Variants in TAOK1 observed in about 807,000 individuals in gnomAD.
TAOK1 encodes serine/threonine-protein kinase TAO1.
A neutral mutation model predicts 138.3 loss-of-function variants in TAOK1; 21 were observed. The observed-to-expected ratio is 0.15, with a 90% CI of 0.11 to 0.22. The LOEUF is 0.22. Among genes scored for constraint, TAOK1 ranks in the 10% least tolerant of loss-of-function variants. TAOK1 has a pLI of 1.00. For synonymous variants in TAOK1, 361 were observed against 398.4 expected (o/e 0.91, Z 1.12); for missense variants, 651 against 1,227.7 (o/e 0.53, Z 7.02).
At chr17:29,397,472 G>A (rs1052477101) in intron 1 of TAOK1, among the ~76,000 whole-genome samples, 4 of 150,896 alleles carry the variant, frequency 2.7e-5, no homozygotes, top group Non-Finnish European at 4.4e-5. Context: ...GCATGGTGGC[G>A]CGCACCTGTA....
intron 18 of TAOK1, among the ~76,000 whole-genome samples, chr17:29,531,718 G>A (rs1381203643): frequency 1.3e-5 from 2 of 151,142 alleles, no homozygotes; most frequent in Non-Finnish European, 2.9e-5. Context: ...AGCCGAGATT[G>A]CGCCATTGCA....
chr17:29,452,500 G>C (rs1489641900), intron 2 of TAOK1, among the ~76,000 whole-genome samples: 1 of 151,936 alleles, frequency 6.6e-6, no homozygotes, highest in Admixed American at 6.6e-5. Flanking sequence ...TTGTGTGTGC[G>C]TGTGAATTAA....
At chr17:29,503,426 C>T (rs2031570724) in intron 13 of TAOK1, among the ~76,000 whole-genome samples, 1 of 145,978 alleles carries the variant, frequency 6.9e-6, no homozygotes, top group South Asian at 2.2e-4. Flanking sequence ...AGAATGTGGA[C>T]AGTAAGGAAA....
chr17:29,451,610 A>C lies in TAOK1; in HGVS notation c.62A>C (p.Lys21Thr), dbSNP rs1231577969. 1.2e-6 allele frequency: 2 copies of C among 1,614,058 alleles called. No homozygotes were observed. The highest frequency in any genetic ancestry group is 2.2e-5 in the East Asian group (1 of 44,878). Residue 21 changes from lysine to threonine, a missense_variant, in exon 2 of 20, where the codon AAA becomes ACA. By Grantham distance (78) the Lys-to-Thr change is moderately conservative. This residue lies in a region of TAOK1 where 116 missense variants were observed against 213.9 expected (regional missense o/e 0.54). Coordinates refer to ENST00000261716, the MANE Select transcript of TAOK1 (RefSeq NM_020791.4). ...CCTGAAATTGCAGAGCTCTTCTTCA[A>C]AGAAGATCCAGAGAAGCTCTTCACA... ...KDPEIAELFF[K>T]EDPEKLFTDL... is the part of the protein sequence containing the mutation.
At chr17:29,492,981 T>C (rs1384303584) in intron 10 of TAOK1, among the ~76,000 whole-genome samples, 1 of 147,912 alleles carries the variant, frequency 6.8e-6, no homozygotes, top group Non-Finnish European at 1.5e-5. Context: ...TCTTTACTAA[T>C]AATACAAAAA....
chr17:29,399,418 C>T (rs1199846383), intron 1 of TAOK1, among the ~76,000 whole-genome samples: 2 of 152,062 alleles, frequency 1.3e-5, no homozygotes, highest in Non-Finnish European at 2.9e-5. Flanking sequence ...CCTGTTCATG[C>T]CATTCTCCTG....
At chr17:29,530,647 A>T (rs201070435) in intron 18 of TAOK1, 28 bp downstream of exon 18, 2 of 1,575,638 alleles carry the variant, frequency 1.3e-6, no homozygotes, top group Admixed American at 1.7e-5. Context: ...GGGGCAAAAC[A>T]AATTTAGTGC....
chr17:29,404,353 G>A (rs62066571), intron 1 of TAOK1, among the ~76,000 whole-genome samples: 113 of 152,110 alleles, frequency 7.4e-4, no homozygotes, highest in Middle Eastern at 6.8e-3. Context: ...TAGTAGAGAC[G>A]GCTTCACCGT....
At chr17:29,498,290 A>G (rs201093065) in intron 11 of TAOK1, 28 bp from the exon 12 acceptor site, 1 of 1,611,046 alleles carries the variant, frequency 6.2e-7, no homozygotes, top group African/African-American at 1.3e-5. Flanking sequence ...TTAATATTTG[A>G]ACTGAACTGA....
intron 19 of TAOK1, among the ~76,000 whole-genome samples, chr17:29,541,469 A>T (rs2032315519): frequency 6.6e-6 from 1 of 152,088 alleles, no homozygotes; most frequent in Admixed American, 6.6e-5. Flanking sequence ...AACAGAATTC[A>T]TAATAATTTT....
chr17:29,401,098 G>A (rs1240211982), intron 1 of TAOK1, among the ~76,000 whole-genome samples: 2 of 151,678 alleles, frequency 1.3e-5, no homozygotes, highest in Non-Finnish European at 2.9e-5. Context: ...ATTTTTTTGT[G>A]CAGACAGGGT....
rs530206116 is a variant in TAOK1, at chr17:29,428,419, A to G, written c.-94-23036A>G. Among the ~76,000 whole-genome samples the G allele has an allele frequency of 8.2e-4, 125 of 152,186 alleles. 1 individual carries two copies. The highest frequency in any genetic ancestry group is 1.6e-3 in the Non-Finnish European group (111 of 68,036). On this transcript the variant is annotated intron_variant, in intron 1 of 19. Coordinates refer to ENST00000261716, the MANE Select transcript of TAOK1 (RefSeq NM_020791.4). ...AGGGTTTTGATGTGAAAAATGCCAT[A>G]GAGGTAGAATCTGTAAAATTTAGTA...
At chr17:29,443,505 A>G (rs755236309) in intron 1 of TAOK1, among the ~76,000 whole-genome samples, 15 of 152,222 alleles carry the variant, frequency 9.9e-5, no homozygotes, top group Admixed American at 5.9e-4. Flanking sequence ...ATGATTGGAT[A>G]AAGTGACACC....
chr17:29,501,695 C>T (rs1185139187), intron 12 of TAOK1, among the ~76,000 whole-genome samples: 1 of 151,704 alleles, frequency 6.6e-6, no homozygotes, highest in African/African-American at 2.4e-5. Flanking sequence ...GCTTTGTTTT[C>T]AAGTTATGTT....
chr17:29,415,276 A>G (rs1335331107), intron 1 of TAOK1, among the ~76,000 whole-genome samples: 1 of 152,014 alleles, frequency 6.6e-6, no homozygotes, highest in Non-Finnish European at 1.5e-5. Flanking sequence ...GCTGTTTTAT[A>G]CTTTTTGGCT....
At chr17:29,471,200 G>A (rs1028858119) in intron 3 of TAOK1, among the ~76,000 whole-genome samples, 16 of 150,530 alleles carry the variant, frequency 1.1e-4, no homozygotes, top group South Asian at 4.2e-4. Flanking sequence ...CTGTAGTACC[G>A]TAGTCCATTA....
chr17:29,475,643 A>T, intron 3 of TAOK1, 27 bp from the exon 4 acceptor site: 1 of 1,475,146 alleles, frequency 6.8e-7, no homozygotes, highest in Non-Finnish European at 9.4e-7. Flanking sequence ...TCCTGTTCAT[A>T]ATTCTTTACC....
intron 15 of TAOK1, among the ~76,000 whole-genome samples, chr17:29,516,283 C>T (rs2031812906): frequency 6.6e-6 from 1 of 151,906 alleles, no homozygotes; most frequent in African/African-American, 2.4e-5. Flanking sequence ...TTAAAATTTA[C>T]TGATGCAAAA....
At chr17:29,526,260 G>A (rs1190641742) in intron 17 of TAOK1, among the ~76,000 whole-genome samples, 1 of 151,980 alleles carries the variant, frequency 6.6e-6, no homozygotes, top group Non-Finnish European at 1.5e-5. Flanking sequence ...ACTCCAGCCT[G>A]GGCAACAAGG....
Sources: allele counts gnomAD v4.1 joint callset (sites outside exome capture counted in the v4.1 genomes callset), GRCh38; gene constraint gnomAD v4.1.1; regional missense constraint gnomAD v4.1.1; transcripts MANE v1.5; gene names NCBI Gene and HGNC (gene_info 2026-07-23, HGNC 2026-07-21).